Variants in H2AZ1 observed in about 807,000 individuals in gnomAD.
H2AZ1 encodes histone H2A.Z.
H2AZ1 carries 3 observed loss-of-function variants against 16.6 expected under a neutral mutation model. The ratio of observed to expected loss-of-function variants is 0.18; its 90% CI spans 0.08 to 0.47. H2AZ1 has a LOEUF of 0.47. H2AZ1 is among the 20% of genes least tolerant of loss of function. The pLI is 0.98. For synonymous variants in H2AZ1, 78 were observed against 60.7 expected, an observed-to-expected ratio of 1.28 and a Z score of -1.32; for missense variants, 27 against 163.6, an observed-to-expected ratio of 0.17 and a Z score of 4.55.
At position 99,948,935 on chromosome 4, in the gene H2AZ1, A is replaced by C; in HGVS notation, c.201T>G (p.Leu67=). 1.9e-6 allele frequency: 3 copies of C among 1,576,522 alleles called. No individual in the cohort carries two copies. Among genetic ancestry groups the C allele is most frequent in the Non-Finnish European group, 1.7e-6 (2 of 1,146,300 alleles). ...AILEYLTAEV[L]ELAGNASKDL... is the part of the protein sequence containing the mutation. ...CTTTTGATGCATTTCCTGCCAGTTC[A>C]AGTACCTAAAAGGCAGAATCTGTCA... Residue 67 remains leucine (L), a synonymous_variant, in exon 4 of 5, where the codon CTT becomes CTG. Coordinates refer to ENST00000296417, the MANE Select transcript of H2AZ1 (RefSeq NM_002106.4).
At chr4:99,950,098 C>T in intron 1 of H2AZ1, 70 bp downstream of exon 1, 1 of 1,525,942 alleles carries the variant, frequency 6.6e-7, no homozygotes, top group Non-Finnish European at 9.0e-7. Flanking sequence ...ACCCCCATCC[C>T]TCTGTGTAAC....
chr4:99,949,540 G>A (rs774376664), intron 2 of H2AZ1, 123 bp downstream of exon 2: 2 of 1,058,072 alleles, frequency 1.9e-6, no homozygotes, highest in South Asian at 1.3e-5. Context: ...CGTATGGGCA[G>A]CCCAAGTCGC....
At chr4:99,948,967 T>G in intron 3 of H2AZ1, 27 bp from the exon 4 acceptor site, 1 of 1,329,932 alleles carries the variant, frequency 7.5e-7, no homozygotes, top group South Asian at 1.2e-5. Flanking sequence ...GTCAGTTGCC[T>G]TCCAACTTTC....
At chr4:99,949,594 G>C (rs533058409) in intron 2 of H2AZ1, 69 bp downstream of exon 2, 61 of 1,443,752 alleles carry the variant, frequency 4.2e-5, no homozygotes, top group Admixed American at 2.7e-4. Context: ...CATCGAGAGC[G>C]ATGAATAACA....
chr4:99,949,100 A>G (rs1727208276), intron 3 of H2AZ1, 160 bp from the exon 4 acceptor site: 11 of 675,502 alleles, frequency 1.6e-5, no homozygotes, highest in Middle Eastern at 2.5e-4. Context: ...TTCCAAGAGC[A>G]GAGAACTCAA....
intron 2 of H2AZ1, 45 bp from the exon 3 acceptor site, chr4:99,949,431 A>G (rs369008608): frequency 4.7e-6 from 6 of 1,280,418 alleles, no homozygotes; most frequent in Non-Finnish European, 6.9e-6. Context: ...AAAAATGAGA[A>G]CTAGAGATGG....
intron 4 of H2AZ1, 82 bp from the exon 5 acceptor site, chr4:99,948,605 C>A: frequency 1.3e-6 from 2 of 1,564,070 alleles, no homozygotes; most frequent in South Asian, 2.3e-5. Context: ...GTATACTGTT[C>A]AACTTGAAAG....
At chr4:99,949,492 C>G (rs747437251) in intron 2 of H2AZ1, 106 bp from the exon 3 acceptor site, 5 of 994,122 alleles carry the variant, frequency 5.0e-6, no homozygotes, top group Non-Finnish European at 6.4e-6. Flanking sequence ...CAACGCGTCC[C>G]GACATCGAAA....
chr4:99,949,023 G>T, intron 3 of H2AZ1, 83 bp from the exon 4 acceptor site: 1 of 865,922 alleles, frequency 1.2e-6, no homozygotes, highest in Non-Finnish European at 1.9e-6. Context: ...CACAAACGCA[G>T]ATCTACCAAC....
chr4:99,949,984 G>A, intron 1 of H2AZ1, 184 bp downstream of exon 1: 2 of 388,672 alleles, frequency 5.1e-6, no homozygotes, highest in Middle Eastern at 3.9e-4. Flanking sequence ...CCCAACCGTC[G>A]CCGCCCGCCG....
In H2AZ1 at chr4:99,949,651, A is replaced by G. The variant is rs1222491092; in HGVS notation, c.81+12T>C. On this transcript the variant is annotated intron_variant, in intron 2 of 4. Transcript: ENST00000296417. ...ACATCATGACTCCCAGACTGCACGA[A>G]CAACTACTGACCTGCAAGCCGGCTC... The G allele has an allele frequency of 6.2e-7, 1 of 1,610,068 alleles. No homozygotes were observed. Among genetic ancestry groups the G allele is most frequent in the Non-Finnish European group, 8.5e-7 (1 of 1,176,356 alleles).
intron 2 of H2AZ1, 129 bp from the exon 3 acceptor site, chr4:99,949,515 C>G: frequency 3.1e-6 from 3 of 972,302 alleles, no homozygotes; most frequent in Admixed American, 1.8e-5. Flanking sequence ...CGTGATTCCT[C>G]CCCCCCATAT....
At chr4:99,948,985 C>G (rs1727204638) in intron 3 of H2AZ1, 45 bp from the exon 4 acceptor site, 1 of 1,163,160 alleles carries the variant, frequency 8.6e-7, no homozygotes, top group Non-Finnish European at 1.3e-6. Context: ...TTCCTTTGGC[C>G]AAGATTCAGA....
At chr4:99,950,021 G>A in intron 1 of H2AZ1, 147 bp downstream of exon 1, 1 of 690,246 alleles carries the variant, frequency 1.4e-6, no homozygotes. Flanking sequence ...TCCGCTAGCA[G>A]CCGACAAAAC....
rs1424332840 is a variant in H2AZ1 at position 99,950,219 on chromosome 4, C to G, written c.-49G>C. On this transcript the variant is annotated 5_prime_UTR_variant, in exon 1 of 5. Transcript: ENST00000296417. ...CAAGCAAGGCAGAGAAAAGGCTAAT[C>G]GGACCCACGGTGAGATCCCACCACC... 2 of 1,592,730 alleles carry G rather than the reference C, an allele frequency of 1.3e-6. No individual in the cohort carries two copies. The highest frequency in any genetic ancestry group is 2.2e-5 in the East Asian group (1 of 44,694).
intron 3 of H2AZ1, 50 bp downstream of exon 3, chr4:99,949,223 C>T (rs770546883): frequency 1.5e-5 from 17 of 1,133,830 alleles, no homozygotes; most frequent in Non-Finnish European, 2.1e-5. Flanking sequence ...CCTCTTGCCG[C>T]CTCCCCGCCC....
chr4:99,949,621 G>A (rs766240073), intron 2 of H2AZ1, 42 bp downstream of exon 2: 7 of 1,572,696 alleles, frequency 4.5e-6, no homozygotes, highest in Non-Finnish European at 5.3e-6. Flanking sequence ...GAAATGCAAA[G>A]AAAAACATCA....
chr4:99,949,717 G>C lies in H2AZ1; in HGVS notation c.27C>G (p.Asp9Glu). The change falls in exon 2 of 5, where the codon GAC becomes GAG. Residue 9 changes from aspartate to glutamate, a missense_variant. Around this residue, in one of 3 missense-constraint regions of H2AZ1, gnomAD observed 13 missense variants for 34.8 expected, o/e 0.37. Coordinates refer to ENST00000296417, the MANE Select transcript of H2AZ1 (RefSeq NM_002106.4). MAGGKAGK[D>E]SGKAKTKAVS... ...CCGCCTTTGTCTTGGCCTTTCCGGA[G>C]TCCTTTCCAGCCTTACCGCCAGCCT... The C allele has an allele frequency of 6.2e-7, 1 of 1,613,598 alleles. No homozygotes were observed. The highest frequency in any genetic ancestry group is 2.2e-5 in the East Asian group (1 of 44,860).
chr4:99,949,729 C>G lies in H2AZ1; in HGVS notation c.15G>C (p.Lys5Asn). Residue 5 changes from lysine to asparagine, a missense_variant, in exon 2 of 5, where the codon AAG becomes AAC. By Grantham distance (94) the Lys-to-Asn change is moderately conservative. Around this residue, in one of 3 missense-constraint regions of H2AZ1, gnomAD observed 13 missense variants for 34.8 expected, o/e 0.37. Transcript: ENST00000296417. ...TGGCCTTTCCGGAGTCCTTTCCAGC[C>G]TTACCGCCAGCCTGCGGCGCGCACA... The part of the protein sequence containing the change: MAGG[K>N]AGKDSGKAKT... 6.2e-7 allele frequency: 1 copy of G among 1,610,514 alleles called. No homozygotes were observed. Among genetic ancestry groups the G allele is most frequent in the Non-Finnish European group, 8.5e-7 (1 of 1,178,070 alleles).
Sources: allele counts gnomAD v4.1 joint callset, GRCh38; gene constraint gnomAD v4.1.1; regional missense constraint gnomAD v4.1.1; transcripts MANE v1.5; gene names NCBI Gene and HGNC (gene_info 2026-07-23, HGNC 2026-07-21).